Variants in IQGAP1 observed in about 807,000 individuals in gnomAD.
IQGAP1 encodes IQ motif containing GTPase activating protein 1.
Under a neutral mutation model 215.6 loss-of-function variants are expected in IQGAP1, and 66 were observed. That is an observed-to-expected ratio of 0.31 (90% confidence interval 0.25 to 0.38). The LOEUF (loss-of-function observed/expected upper bound fraction) is 0.38. Ranked by LOEUF, IQGAP1 falls within the 10% of genes least tolerant of loss-of-function variation. IQGAP1 has a pLI of 1.00. For missense variants in IQGAP1, 1,712 were observed against 1,997.1 expected (o/e 0.86, Z 2.72); for synonymous variants, 772 against 728.7 (o/e 1.06, Z -0.96).
intron 22 of IQGAP1, 104 bp downstream of exon 22, chr15:90,474,237 G>C (rs1965947565): frequency 2.8e-6 from 3 of 1,072,432 alleles, no homozygotes; most frequent in Admixed American, 2.6e-5. Context: ...GCAAGGCTTG[G>C]GGGAGAGGGT....
chr15:90,488,891 A>G (rs1171696715), intron 33 of IQGAP1, among the ~76,000 whole-genome samples: 1 of 152,126 alleles, frequency 6.6e-6, no homozygotes, highest in Non-Finnish European at 1.5e-5. Context: ...CATGAGACCA[A>G]ATTATTTAGA....
chr15:90,465,974 T>C, intron 15 of IQGAP1, 27 bp from the exon 16 acceptor site: 1 of 1,572,686 alleles, frequency 6.4e-7, no homozygotes, highest in South Asian at 1.1e-5. Flanking sequence ...TTCATGACTT[T>C]AATATTTTGC....
intron 37 of IQGAP1, among the ~76,000 whole-genome samples, 155 bp from the exon 38 acceptor site, chr15:90,499,840 C>T (rs568013998): frequency 2.1e-4 from 32 of 152,328 alleles, no homozygotes; most frequent in African/African-American, 6.7e-4. Flanking sequence ...AGTTGCCTAG[C>T]GTGGAACTTT....
chr15:90,406,071 A>T (rs1364588872), intron 2 of IQGAP1, among the ~76,000 whole-genome samples: 1 of 152,176 alleles, frequency 6.6e-6, no homozygotes, highest in African/African-American at 2.4e-5. Flanking sequence ...TTTAAAAATG[A>T]GGGGTGCAAA....
chr15:90,477,831 C>T lies in IQGAP1; in HGVS notation c.3271C>T (p.Pro1091Ser). 6.2e-7 allele frequency: 1 copy of T among 1,613,808 alleles called. No homozygotes were observed. The highest frequency in any genetic ancestry group is 2.2e-5 in the East Asian group (1 of 44,878). Reference protein sequence around the residue: ...DDKSLNIKTDPVDIYKSWVNQ... With the variant: ...DDKSLNIKTDSVDIYKSWVNQ... ...CAAATCTCTCAACATCAAAACTGACCCTGTGGATATTTACAAATCTTGGGT... is the reference window on the plus strand; with the variant it reads ...CAAATCTCTCAACATCAAAACTGACTCTGTGGATATTTACAAATCTTGGGT... Residue 1091 changes from proline (P) to serine (S), a missense_variant, in exon 26 of 38, where the codon CCT (proline) becomes TCT (serine). Pro to Ser is a moderately conservative substitution (Grantham distance 74). Transcript: ENST00000268182.
At chr15:90,401,962 G>A (rs1964811106) in intron 2 of IQGAP1, among the ~76,000 whole-genome samples, 1 of 152,166 alleles carries the variant, frequency 6.6e-6, no homozygotes, top group African/African-American at 2.4e-5. Flanking sequence ...GTCATATATT[G>A]GAATTCAAGC....
chr15:90,473,424 C>T, intron 19 of IQGAP1: 1 of 428,664 alleles, frequency 2.3e-6, no homozygotes, highest in Non-Finnish European at 4.3e-6. Context: ...CCCATTGTAT[C>T]TTATCTTCCT....
Position 90,499,960 on chromosome 15 carries a change from ATGTTTTGTTTTGTTT to A in IQGAP1, c.4861-20_4861-6del, listed in dbSNP as rs58482365. 2.6e-6 allele frequency: 3 copies of A among 1,167,790 alleles called. No individual in the cohort carries two copies. Among genetic ancestry groups the A allele is most frequent in the Non-Finnish European group, 3.8e-6 (3 of 779,538 alleles). The allele number at this position is 1,167,790 out of a possible 1,614,324, so 72.3% of individuals were successfully genotyped here. On this transcript the variant is annotated intron_variant, in intron 37 of 37. Transcript: ENST00000268182. ...TCCACAGACTTGATTAACTGTCAAA[ATGTTTTGTTTTGTTT>A]TGTTTTGTTTTGTTAATAGGACCTG...
At chr15:90,474,758 C>T in intron 23 of IQGAP1, 65 bp downstream of exon 23, 1 of 1,234,708 alleles carries the variant, frequency 8.1e-7, no homozygotes, top group Non-Finnish European at 1.2e-6. Context: ...CTGCATTCCC[C>T]TTTCTGACTG....
chr15:90,415,587 T>C (rs927615481), intron 2 of IQGAP1, among the ~76,000 whole-genome samples: 1 of 152,228 alleles, frequency 6.6e-6, no homozygotes, highest in Non-Finnish European at 1.5e-5. Context: ...GGTCTGGAGC[T>C]AACTGCTTCC....
chr15:90,467,986 T>A (rs567461462), intron 18 of IQGAP1, among the ~76,000 whole-genome samples: 31 of 152,328 alleles, frequency 2.0e-4, no homozygotes, highest in African/African-American at 7.5e-4. Context: ...CATAGAGCTT[T>A]TAAAGTACTT....
rs1596267143 is a variant in IQGAP1 at position 90,440,578 on chromosome 15, C to T, written c.612C>T (p.Gly204=). The T allele has an allele frequency of 6.4e-7, 1 of 1,568,338 alleles. No individual in the cohort carries two copies. ...IQMPAFSKIG[G]ILANELSVDE... is the part of the protein sequence containing the mutation. The stretch of plus-strand genomic sequence containing the variant: ...TGCCTGCCTTTAGCAAGATTGGGGG[C>T]ATCTTGGCTAATGAACTGTCAGTGG... Residue 204 remains glycine (G), a synonymous_variant, in exon 7 of 38, where the codon GGC becomes GGT. Transcript: ENST00000268182.
At chr15:90,462,415 CCAT>C (rs1276855747) in intron 15 of IQGAP1, among the ~76,000 whole-genome samples, 1 of 152,146 alleles carries the variant, frequency 6.6e-6, no homozygotes, top group African/African-American at 2.4e-5. Flanking sequence ...CCAGCAGTGA[CCAT>C]AAGGACTCTG....
chr15:90,490,801 T>C (rs1394915244), intron 33 of IQGAP1, among the ~76,000 whole-genome samples: 2 of 151,924 alleles, frequency 1.3e-5, no homozygotes, highest in East Asian at 3.9e-4. Context: ...GTGTGATTTG[T>C]TTGTTTGCTT....
chr15:90,445,634 A>T (rs1265439434), intron 9 of IQGAP1, among the ~76,000 whole-genome samples: 4 of 152,184 alleles, frequency 2.6e-5, no homozygotes, highest in Non-Finnish European at 5.9e-5. Context: ...CACCAAAAAA[A>T]CTAAAAGGTT....
At chr15:90,496,909 CT>C in intron 36 of IQGAP1, 2 of 178,346 alleles carry the variant, frequency 1.1e-5, no homozygotes, top group South Asian at 1.7e-4. Context: ...ATTAGGTTTC[CT>C]TTTTGGCCAT....
chr15:90,405,708 A>G (rs1383743145), intron 2 of IQGAP1, among the ~76,000 whole-genome samples: 2 of 150,396 alleles, frequency 1.3e-5, no homozygotes, highest in African/African-American at 4.9e-5. Flanking sequence ...TGTATGCAAT[A>G]TTCCTCAAAC....
chr15:90,492,106 G>A (rs891059395), intron 34 of IQGAP1, among the ~76,000 whole-genome samples: 1 of 152,100 alleles, frequency 6.6e-6, no homozygotes, highest in African/African-American at 2.4e-5. Flanking sequence ...AGATACAAAT[G>A]GGGGAAGAAA....
chr15:90,479,328 A>C (rs901099763), intron 26 of IQGAP1, among the ~76,000 whole-genome samples: 10 of 152,112 alleles, frequency 6.6e-5, no homozygotes, highest in Non-Finnish European at 1.3e-4. Flanking sequence ...GTAGACTGGC[A>C]CTGGTCCACA....
Sources: gnomAD v4.1 joint callset for allele counts (sites outside exome capture counted in the v4.1 genomes callset) on GRCh38, gnomAD v4.1.1 for gene constraint, MANE v1.5 for transcripts, NCBI Gene and HGNC (gene_info 2026-07-23, HGNC 2026-07-21) for gene names.